The following WDR27 variants were observed in gnomAD, a reference collection of about 807,000 sequenced individuals.
The protein encoded by WDR27 is WD repeat-containing protein 27.
Under a neutral mutation model 114.4 loss-of-function variants are expected in WDR27, and 100 were observed. That is an observed-to-expected ratio of 0.87 (90% confidence interval 0.74 to 1.03). WDR27 has a LOEUF of 1.03. WDR27 is among the 50% of genes least tolerant of loss of function. The probability of loss-of-function intolerance (pLI) is 0.00; values close to 1 mark genes in which losing one functional copy is unlikely to be tolerated. For synonymous variants in WDR27, 449 were observed against 423.1 expected (o/e 1.06, Z -0.75); for missense variants, 1,129 against 1,092.9 (o/e 1.03, Z -0.47).
intron 25 of WDR27, among the ~76,000 whole-genome samples, chr6:169,512,638 G>T (rs907302455): frequency 6.6e-6 from 1 of 152,132 alleles, no homozygotes; most frequent in African/African-American, 2.4e-5. Flanking sequence ...TTTTAATGAT[G>T]TTATTTAAAG....
intron 25 of WDR27, among the ~76,000 whole-genome samples, chr6:169,523,265 C>T (rs1484073769): frequency 2.0e-5 from 3 of 151,940 alleles, no homozygotes; most frequent in African/African-American, 7.2e-5. Flanking sequence ...TTCAATAAAC[C>T]AGTAATGAGT....
intron 25 of WDR27, among the ~76,000 whole-genome samples, chr6:169,494,815 T>C (rs1790196257): frequency 6.6e-6 from 1 of 152,160 alleles, no homozygotes; most frequent in Non-Finnish European, 1.5e-5. Context: ...AATTTTCCTG[T>C]GGAATATTTT....
intron 25 of WDR27, among the ~76,000 whole-genome samples, chr6:169,465,258 C>CAA (rs56688798): frequency 1.5e-3 from 152 of 100,998 alleles, no homozygotes; most frequent in East Asian, 5.7e-3. Flanking sequence ...AACTCCATCT[C>CAA]AAAAAAAAAA....
intron 25 of WDR27, among the ~76,000 whole-genome samples, chr6:169,461,373 T>G (rs372118577): frequency 1.3e-5 from 2 of 152,144 alleles, no homozygotes; most frequent in African/African-American, 4.8e-5. Context: ...AGCCACAAAT[T>G]AAATCTCAAT....
chr6:169,445,906 G>T, the WDR27 span, among the ~76,000 whole-genome samples: 6 of 152,222 alleles, frequency 3.9e-5, no homozygotes, highest in South Asian at 4.1e-4. Context: ...TGGGTGGGGT[G>T]GGGGGAGGCA....
chr6:169,594,469 C>T (rs1181560982), intron 23 of WDR27, among the ~76,000 whole-genome samples: 4 of 152,120 alleles, frequency 2.6e-5, no homozygotes, highest in Non-Finnish European at 4.4e-5. Flanking sequence ...TTCCTATAAC[C>T]TTATAATTTC....
intron 25 of WDR27, among the ~76,000 whole-genome samples, chr6:169,540,793 G>T (rs1340328535): frequency 6.6e-6 from 1 of 151,964 alleles, no homozygotes; most frequent in Non-Finnish European, 1.5e-5. Flanking sequence ...CATGAACCTG[G>T]ACCTGGTATT....
chr6:169,610,188 C>T (rs966072889), intron 22 of WDR27, among the ~76,000 whole-genome samples: 1 of 152,224 alleles, frequency 6.6e-6, no homozygotes, highest in Non-Finnish European at 1.5e-5. Flanking sequence ...CCAAACTGTT[C>T]CAACCTCTGC....
At chr6:169,575,692 C>G (rs1802222153) in intron 24 of WDR27, among the ~76,000 whole-genome samples, 1 of 152,114 alleles carries the variant, frequency 6.6e-6, no homozygotes, top group Admixed American at 6.5e-5. Context: ...GGGTCTTTTC[C>G]TAAAATAAAA....
the WDR27 span, among the ~76,000 whole-genome samples, chr6:169,437,680 T>C: frequency 6.6e-6 from 1 of 152,160 alleles, no homozygotes; most frequent in Admixed American, 6.5e-5. Flanking sequence ...TCCTCAACTA[T>C]AGCTAACTAT....
At chr6:169,537,582 T>G (rs192041613) in intron 25 of WDR27, among the ~76,000 whole-genome samples, 6 of 148,478 alleles carry the variant, frequency 4.0e-5, no homozygotes, top group Admixed American at 2.7e-4. Flanking sequence ...TGGGGGAGAG[T>G]GGATGGAGGG....
intron 23 of WDR27, among the ~76,000 whole-genome samples, chr6:169,601,968 T>C (rs1808071474): frequency 6.6e-6 from 1 of 152,242 alleles, no homozygotes; most frequent in Non-Finnish European, 1.5e-5. Context: ...TTTCAAATAG[T>C]AGGCACTCAA....
At chr6:169,437,981 T>C in the WDR27 span, among the ~76,000 whole-genome samples, 19 of 152,130 alleles carry the variant, frequency 1.2e-4, no homozygotes. Context: ...ATGATGAGGT[T>C]TGGGTTTGGA....
intron 22 of WDR27, among the ~76,000 whole-genome samples, chr6:169,609,821 T>G (rs962504665): frequency 6.6e-6 from 1 of 152,250 alleles, no homozygotes; most frequent in South Asian, 2.1e-4. Flanking sequence ...AGGCTGCAAA[T>G]TTTTCAAACT....
intron 13 of WDR27, among the ~76,000 whole-genome samples, chr6:169,653,319 A>G (rs1823117443): frequency 6.6e-6 from 1 of 152,256 alleles, no homozygotes; most frequent in Non-Finnish European, 1.5e-5. Context: ...TTATTAATTA[A>G]GCAAATGGTT....
chr6:169,613,748 G>T, intron 21 of WDR27, 92 bp from the exon 22 acceptor site: 1 of 1,146,122 alleles, frequency 8.7e-7, no homozygotes, highest in Non-Finnish European at 1.2e-6. Context: ...TGATTCTCAA[G>T]TAAGATATTA....
At chr6:169,562,219 C>T (rs142902000) in intron 25 of WDR27, among the ~76,000 whole-genome samples, 2 of 152,228 alleles carry the variant, frequency 1.3e-5, no homozygotes, top group Non-Finnish European at 2.9e-5. Context: ...GGTACTGCGC[C>T]GCCAACAGCA....
chr6:169,618,971 G>T (rs1345978216), intron 21 of WDR27, among the ~76,000 whole-genome samples: 1 of 151,988 alleles, frequency 6.6e-6, no homozygotes, highest in Non-Finnish European at 1.5e-5. Flanking sequence ...TTATTTTCAG[G>T]AAGTAAAACC....
At chr6:169,623,230 G>A (rs2128202237) in intron 21 of WDR27, among the ~76,000 whole-genome samples, 1 of 152,214 alleles carries the variant, frequency 6.6e-6, no homozygotes, top group East Asian at 1.9e-4. Context: ...AGCACAAGAG[G>A]ACAGCTTTGA....
Sources: gnomAD v4.1 joint callset for allele counts (sites outside exome capture counted in the v4.1 genomes callset) on GRCh38, gnomAD v4.1.1 for gene constraint, MANE v1.5 for transcripts, NCBI Gene and HGNC (gene_info 2026-07-23, HGNC 2026-07-21) for gene names.